MXRA5: variants seen among roughly 807,000 people sequenced by gnomAD.
MXRA5 encodes matrix remodeling associated 5, also known as matrix-remodeling-associated protein 5.
Under a neutral mutation model 112.5 loss-of-function variants are expected in MXRA5, and 41 were observed. That is an observed-to-expected ratio of 0.36 (90% CI 0.28 to 0.47). The LOEUF is 0.47. Among genes scored for constraint, MXRA5 ranks in the 20% least tolerant of loss-of-function variants. The pLI is 0.99. For synonymous variants in MXRA5, 862 were observed against 900.8 expected (o/e 0.96, Z 0.77); for missense variants, 2,150 against 2,251.0 (o/e 0.96, Z 0.91).
Position 3,322,928 on chromosome X carries a change from T to C in MXRA5, c.2757A>G (p.Glu919=), listed in dbSNP as rs1219341901. ...CTAATGTGTGCAGAGTAGGAGATGGTTCATAAGGCTCAGATATAAGTGTAG... is the reference window on the plus strand; with the variant it reads ...CTAATGTGTGCAGAGTAGGAGATGGCTCATAAGGCTCAGATATAAGTGTAG... The part of the protein sequence containing the change: ...AAPTLISEPY[E]PSPTLHTLDT... The change falls in exon 5 of 7, where the codon GAA becomes GAG. Residue 919 remains glutamate (E), a synonymous_variant. Coordinates refer to ENST00000217939, the MANE Select transcript of MXRA5 (RefSeq NM_015419.4). 1 of 1,209,212 alleles carries C rather than the reference T, an allele frequency of 8.3e-7. No individual in the cohort carries two copies. Among genetic ancestry groups the C allele is most frequent in the Admixed American group, 2.2e-5 (1 of 45,600 alleles).
intron 2 of MXRA5, among the ~76,000 whole-genome samples, chrX:3,333,381 G>GA (rs1921715859): frequency 1.0e-5 from 1 of 99,658 alleles, no homozygotes; most frequent in Non-Finnish European, 2.0e-5. Context: ...CAAGGAATAG[G>GA]AAAAAAGAGG....
Position 3,310,690 on chromosome X carries a change from T to G in MXRA5, c.7513A>C (p.Ile2505Leu), listed in dbSNP as rs774714200. 8.1e-5 allele frequency: 96 copies of G among 1,185,589 alleles called. No individual in the cohort carries two copies. Among genetic ancestry groups the G allele is most frequent in the Admixed American group, 1.7e-4 (7 of 42,194 alleles). The change falls in exon 7 of 7, where the codon ATC (isoleucine) becomes CTC (leucine). Residue 2505 changes from isoleucine to leucine, a missense_variant. Physicochemically the swap from Ile to Leu is conservative, Grantham distance 5. Around this residue, in one of 6 missense-constraint regions of MXRA5, gnomAD observed 93 missense variants for 135.5 expected, o/e 0.69. Transcript: ENST00000217939. ...ITVHGNGSLD[I>L]RSLRKSDSVQ... ...GAGTCGCTCTTCCTCAAACTCCTGA[T>G]GTCCAGGGAACCGTTGCCATGGACA...
At chrX:3,335,057 C>A (rs151071244) in intron 2 of MXRA5, among the ~76,000 whole-genome samples, 144 of 111,897 alleles carry the variant, frequency 1.3e-3, no homozygotes, top group African/African-American at 4.5e-3. Flanking sequence ...CTCCTCTCCT[C>A]TATAATGGGG....
At chrX:3,332,924 C>T (rs1170849683) in intron 2 of MXRA5, among the ~76,000 whole-genome samples, 1 of 111,257 alleles carries the variant, frequency 9.0e-6, no homozygotes, top group East Asian at 2.8e-4. Flanking sequence ...GGAATTGAGC[C>T]TTGTCCTCTT....
intron 6 of MXRA5, among the ~76,000 whole-genome samples, chrX:3,316,895 C>T (rs1156869011): frequency 9.0e-6 from 1 of 110,733 alleles, no homozygotes; most frequent in East Asian, 2.9e-4. Flanking sequence ...AGGCTGGTCT[C>T]GAACTCCTGA....
chrX:3,325,172 G>A (rs1158879449), intron 4 of MXRA5, among the ~76,000 whole-genome samples, 197 bp from the exon 5 acceptor site: 2 of 111,325 alleles, frequency 1.8e-5, no homozygotes, highest in African/African-American at 6.5e-5. Context: ...TAACTAACGG[G>A]TGCTTTATAA....
intron 2 of MXRA5, among the ~76,000 whole-genome samples, chrX:3,339,468 G>A (rs1164204347): frequency 9.1e-6 from 1 of 110,089 alleles, no homozygotes; most frequent in East Asian, 2.9e-4. Context: ...GGCTTTCACC[G>A]TGTTAGCCAG....
At chrX:3,336,457 A>G (rs1921786886) in intron 2 of MXRA5, among the ~76,000 whole-genome samples, 1 of 111,822 alleles carries the variant, frequency 8.9e-6, no homozygotes, top group Non-Finnish European at 1.9e-5. Context: ...GATCTATTGT[A>G]TGATTCTATG....
intron 1 of MXRA5, among the ~76,000 whole-genome samples, chrX:3,344,722 A>C (rs1428823879): frequency 9.0e-6 from 1 of 111,663 alleles, no homozygotes; most frequent in Non-Finnish European, 1.9e-5. Flanking sequence ...CGTTCACTTA[A>C]AAATAGTGAC....
At chrX:3,330,939 G>A (rs1236002874) in intron 2 of MXRA5, among the ~76,000 whole-genome samples, 166 bp from the exon 3 acceptor site, 3 of 111,277 alleles carry the variant, frequency 2.7e-5, no homozygotes, top group African/African-American at 6.5e-5. Context: ...ATCTTACTCC[G>A]TCACCCAGGC....
intron 2 of MXRA5, among the ~76,000 whole-genome samples, chrX:3,341,090 ATATGT>A (rs1285264032): frequency 2.1e-5 from 1 of 48,690 alleles, no homozygotes; most frequent in Non-Finnish European, 3.9e-5. Context: ...ATTATACATA[ATATGT>A]TATACATAAT....
At chrX:3,318,784 A>G (rs1921218951) in intron 5 of MXRA5, among the ~76,000 whole-genome samples, 1 of 112,195 alleles carries the variant, frequency 8.9e-6, no homozygotes, top group African/African-American at 3.2e-5. Context: ...GAATTCAGCT[A>G]AGTGTCCATC....
rs757052581 is a variant in MXRA5, at chrX:3,320,414, T to C, written c.5271A>G (p.Pro1757=). 5.5e-5 allele frequency: 67 copies of C among 1,210,004 alleles called. No individual in the cohort carries two copies. In the South Asian group the frequency reaches 1.2e-3, roughly 21 times the overall value. Residue 1757 remains proline (P), a synonymous_variant, in exon 5 of 7, where the codon CCA becomes CCG. Coordinates refer to ENST00000217939, the MANE Select transcript of MXRA5 (RefSeq NM_015419.4). ...GAATAACTTTTCTCTCTCTCATTAC[T>C]GGGGCAGGAGAAGTGGGTATCTGGG... is the stretch of plus-strand genomic sequence containing the variant. ...RRPQIPTSPA[P]VMRERKVIPG...
chrX:3,316,497 T>TTAA (rs757741576), intron 6 of MXRA5, among the ~76,000 whole-genome samples: 18 of 85,090 alleles, frequency 2.1e-4, no homozygotes, highest in East Asian at 2.0e-3. Flanking sequence ...CTACAAAAAG[T>TTAA]TAATAATAAT....
intron 2 of MXRA5, among the ~76,000 whole-genome samples, chrX:3,333,302 C>CAAAAAAAAAAAAAAAAAAAAAAAAAAA (rs386416494): frequency 1.4e-4 from 2 of 14,812 alleles, no homozygotes; most frequent in Admixed American, 1.4e-3. Flanking sequence ...TACCCCATAT[C>CAAAAAAAAAAAAAAAAAAAAAAAAAAA]AAAAAAAAAA....
chrX:3,330,128 G>T lies in MXRA5; in HGVS notation c.599C>A (p.Ala200Asp). 8.3e-7 allele frequency: 1 copy of T among 1,209,379 alleles called. No homozygotes were observed. Among genetic ancestry groups the T allele is most frequent in the African/African-American group, 1.7e-5 (1 of 57,758 alleles). ...LAENMVRTLP[A>D]SMLRNMPLLE... ...AAGCGGCATGTTCCGAAGCATGCTG[G>T]CAGGAAGAGTTCTAACCATGTTCTC... The change falls in exon 4 of 7, where the codon GCC (alanine) becomes GAC (aspartate). Residue 200 changes from alanine (A) to aspartate (D), a missense_variant. Physicochemically the swap from Ala to Asp is moderately radical, Grantham distance 126. Around this residue, in one of 6 missense-constraint regions of MXRA5, gnomAD observed 386 missense variants for 411.0 expected, o/e 0.94. Coordinates refer to ENST00000217939, the MANE Select transcript of MXRA5 (RefSeq NM_015419.4).
chrX:3,326,027 A>ATG (rs1486168237), intron 4 of MXRA5, among the ~76,000 whole-genome samples: 2 of 72,047 alleles, frequency 2.8e-5, no homozygotes, highest in Non-Finnish European at 4.6e-5. Flanking sequence ...TATGTATTTT[A>ATG]TATATAAATT....
At chrX:3,329,205 A>G in intron 4 of MXRA5, among the ~76,000 whole-genome samples, 2 of 73,935 alleles carry the variant, frequency 2.7e-5, no homozygotes, top group Admixed American at 3.2e-4. Context: ...AAGGAAGGTG[A>G]GAAGGAGGGA....
chrX:3,317,814 T>C lies in MXRA5; in HGVS notation c.5867A>G (p.His1956Arg). ...CAGGTAGACAGTGACGTCCTGGTAG[T>C]GGGAGGCTAGGATTTGAGGTTGCTG... ...TVQQPQILAS[H>R]YQDVTVYLGD... Residue 1956 changes from histidine to arginine, a missense_variant, in exon 6 of 7, where the codon CAC becomes CGC. This residue lies in a region of MXRA5 where 1,485 missense variants were observed against 1,471.6 expected (regional missense o/e 1.01). Transcript: ENST00000217939. 1.7e-6 allele frequency: 2 copies of C among 1,210,916 alleles called. No homozygotes were observed. The highest frequency in any genetic ancestry group is 2.2e-6 in the Non-Finnish European group (2 of 895,243).
Sources: allele counts gnomAD v4.1 joint callset (sites outside exome capture counted in the v4.1 genomes callset), GRCh38; gene constraint gnomAD v4.1.1; regional missense constraint gnomAD v4.1.1; transcripts MANE v1.5; gene names NCBI Gene and HGNC (gene_info 2026-07-23, HGNC 2026-07-21).